CEP135: variants seen among roughly 807,000 people sequenced by gnomAD.
CEP135 encodes the protein centrosomal protein 135.
Under a neutral mutation model 157.3 loss-of-function variants are expected in CEP135, and 142 were observed. That is an observed-to-expected ratio of 0.90 (90% CI 0.79 to 1.04). The LOEUF (loss-of-function observed/expected upper bound fraction) is 1.04, where lower values mean the gene tolerates loss of function less well. Ranked by LOEUF, CEP135 falls within the 50% of genes least tolerant of loss-of-function variation. The probability of loss-of-function intolerance (pLI) is 0.00; values close to 1 mark genes in which losing one functional copy is unlikely to be tolerated. For missense variants in CEP135, 1,317 were observed against 1,309.2 expected (o/e 1.01, Z -0.09); for synonymous variants, 396 against 439.8 (o/e 0.90, Z 1.25).
At chr4:56,015,768 A>G (rs994796945) in intron 21 of CEP135, among the ~76,000 whole-genome samples, 1 of 152,156 alleles carries the variant, frequency 6.6e-6, no homozygotes, top group African/African-American at 2.4e-5. Context: ...TGTGGTCCAT[A>G]TTCAGAGTCT....
intron 25 of CEP135, 56 bp downstream of exon 25, chr4:56,024,670 A>G (rs989660169): frequency 8.1e-7 from 1 of 1,236,388 alleles, no homozygotes; most frequent in East Asian, 2.4e-5. Flanking sequence ...AAAAATTCAG[A>G]AAGTAGTTTT....
At chr4:55,997,433 G>A (rs901653767) in intron 15 of CEP135, among the ~76,000 whole-genome samples, 15 of 152,112 alleles carry the variant, frequency 9.9e-5, no homozygotes, top group Non-Finnish European at 1.8e-4. Context: ...TAGATATAAA[G>A]CAGTCTTTAC....
At chr4:56,003,906 A>G (rs933217406) in intron 17 of CEP135, among the ~76,000 whole-genome samples, 1 of 151,914 alleles carries the variant, frequency 6.6e-6, no homozygotes, top group Non-Finnish European at 1.5e-5. Flanking sequence ...TTTTTTGTAG[A>G]GACGGTGTCT....
At chr4:56,020,252 T>G (rs1730929849) in intron 23 of CEP135, among the ~76,000 whole-genome samples, 1 of 152,166 alleles carries the variant, frequency 6.6e-6, no homozygotes, top group African/African-American at 2.4e-5. Flanking sequence ...GAGAGACTGA[T>G]TATGTCATAT....
rs953725338 is a variant in CEP135 at position 55,961,948 on chromosome 4, CTT to C, written c.699+2187_699+2188del. ...GCCTGTGCTCTTGACCCCATTTCCT[CTT>C]TTTTCCTTAGGACCTTACTTTAATC... On this transcript the variant is annotated intron_variant, in intron 6 of 25. Transcript: ENST00000257287. Among the ~76,000 whole-genome samples, 17 of 152,046 alleles carry C rather than the reference CTT, an allele frequency of 1.1e-4. No homozygotes were observed. In the East Asian group the frequency reaches 1.2e-3, roughly 10 times the overall value.
intron 11 of CEP135, among the ~76,000 whole-genome samples, chr4:55,978,779 G>A: frequency 6.6e-6 from 1 of 152,122 alleles, no homozygotes; most frequent in East Asian, 1.9e-4. Context: ...TGAATTCCTG[G>A]CCTCAAGCAG....
rs1159504608 is a variant in CEP135, at chr4:55,974,788, A to G, written c.1292A>G (p.His431Arg). The G allele has an allele frequency of 1.2e-6, 2 of 1,613,782 alleles. No homozygotes were observed. The highest frequency in any genetic ancestry group is 1.7e-6 in the Non-Finnish European group (2 of 1,179,876). The part of the protein sequence containing the change: ...TLEVERMRLE[H>R]GIKRRDRSPS... ...GAGGTTGAGAGGATGAGACTAGAAC[A>G]TGGAATAAAACGTCGAGACAGGTCA... The change falls in exon 11 of 26, where the codon CAT becomes CGT. Residue 431 changes from histidine to arginine, a missense_variant. Coordinates refer to ENST00000257287, the MANE Select transcript of CEP135 (RefSeq NM_025009.5).
intron 6 of CEP135, among the ~76,000 whole-genome samples, chr4:55,962,161 G>A (rs569989547): frequency 1.3e-5 from 2 of 151,760 alleles, no homozygotes; most frequent in South Asian, 2.1e-4. Context: ...GTGCAGTGGC[G>A]CGATCTCGGC....
In CEP135 at chr4:55,969,069, A is replaced by T. The variant is rs1264219672; in HGVS notation, c.1051A>T (p.Ile351Phe). 1.2e-6 allele frequency: 2 copies of T among 1,611,098 alleles called. No individual in the cohort carries two copies. Among genetic ancestry groups the T allele is most frequent in the South Asian group, 1.1e-5 (1 of 90,718 alleles). ...DKELGEAKKE[I>F]KRKLSEMQDL... ...ATAGGCTTTTTATTCCTAGAAAGAG[A>T]TTAAAAGAAAGCTCTCTGAAATGCA... Residue 351 changes from isoleucine (I) to phenylalanine (F), a missense_variant, in exon 9 of 26, where the codon ATT becomes TTT. Transcript: ENST00000257287.
intron 21 of CEP135, among the ~76,000 whole-genome samples, chr4:56,015,686 A>T (rs1388327103): frequency 6.6e-6 from 1 of 152,142 alleles, no homozygotes; most frequent in Non-Finnish European, 1.5e-5. Flanking sequence ...CTATCCCACC[A>T]TTTTATTTTG....
At chr4:55,989,621 T>A (rs2109698133) in intron 14 of CEP135, among the ~76,000 whole-genome samples, 1 of 152,322 alleles carries the variant, frequency 6.6e-6, no homozygotes, top group East Asian at 1.9e-4. Flanking sequence ...TGCTACACAT[T>A]TAATCCCCCT....
rs1259518913 is a variant in CEP135, at chr4:56,023,843, TATA to T, written c.3321-654_3321-652del. Among the ~76,000 whole-genome samples, 259 of 139,710 alleles carry T rather than the reference TATA, an allele frequency of 1.9e-3. 2 individuals carry two copies. Among genetic ancestry groups the T allele is most frequent in the African/African-American group, 6.5e-3 (249 of 38,208 alleles). The allele number at this position is 139,710 out of a possible 152,430, so 91.7% of individuals were successfully genotyped here. On this transcript the variant is annotated intron_variant, in intron 24 of 25. Transcript: ENST00000257287. Reference sequence around the variant, plus strand: ...GCATTATATAATACATATATAGACATATAATATATAGTACTTATATATTATATA... The same window carrying T: ...GCATTATATAATACATATATAGACATATATATAGTACTTATATATTATATA...
At position 55,965,331 on chromosome 4, in the gene CEP135, G is replaced by A. The variant is rs146719703; in HGVS notation, c.829-313G>A. The A allele has an allele frequency of 1.7e-3, 335 of 192,706 alleles. 2 individuals are homozygous for A. Among genetic ancestry groups the A allele is most frequent in the African/African-American group, 7.5e-3 (316 of 42,120 alleles). The allele number at this position is 192,706 out of a possible 1,614,324, so 11.9% of individuals were successfully genotyped here. ...TCAGTAGCCACATGTGGTTGCTAGA[G>A]GCTACTATATTGAACAACACAGTCT... On this transcript the variant is annotated intron_variant, in intron 7 of 25. Transcript: ENST00000257287.
intron 25 of CEP135, among the ~76,000 whole-genome samples, chr4:56,027,329 A>G (rs1274358845): frequency 2.0e-5 from 3 of 152,228 alleles, no homozygotes; most frequent in Admixed American, 6.5e-5. Context: ...ATTAGTGTAA[A>G]TTAAGCTTTA....
intron 11 of CEP135, among the ~76,000 whole-genome samples, chr4:55,976,469 C>T (rs534728916): frequency 1.9e-4 from 29 of 152,190 alleles, no homozygotes; most frequent in African/African-American, 6.7e-4. Context: ...TATCTCAGAG[C>T]TTTTAACCAA....
intron 17 of CEP135, among the ~76,000 whole-genome samples, chr4:56,000,638 G>C (rs983749720): frequency 1.3e-5 from 2 of 152,084 alleles, no homozygotes; most frequent in African/African-American, 4.8e-5. Flanking sequence ...TGACCTCCAG[G>C]TCCATCCATG....
rs557876217 is a variant in CEP135 at position 55,985,621 on chromosome 4, A to T, written c.1857+263A>T. 3.7e-4 allele frequency among the ~76,000 whole-genome samples: 56 copies of T among 151,554 alleles called. 1 individual carries two copies. Among genetic ancestry groups the T allele is most frequent in the Admixed American group, 2.2e-3 (33 of 15,218 alleles). ...AGTTGCGTGCCACCATGCCCGGCTAATTTTTTTTGTATTTTTAGTAGAGAC... is the reference window on the plus strand; with the variant it reads ...AGTTGCGTGCCACCATGCCCGGCTATTTTTTTTTGTATTTTTAGTAGAGAC... On this transcript the variant is annotated intron_variant, in intron 14 of 25. Transcript: ENST00000257287.
intron 17 of CEP135, among the ~76,000 whole-genome samples, chr4:56,000,505 A>C (rs1459920547): frequency 6.6e-6 from 1 of 151,850 alleles, no homozygotes; most frequent in Non-Finnish European, 1.5e-5. Flanking sequence ...TCATCCTTTT[A>C]CTGGTCTTTG....
At chr4:55,957,833 T>C (rs1301799212) in intron 5 of CEP135, among the ~76,000 whole-genome samples, 1 of 152,236 alleles carries the variant, frequency 6.6e-6, no homozygotes, top group Non-Finnish European at 1.5e-5. Flanking sequence ...TGAAATGTTA[T>C]TAAACCTCCT....
Sources: allele counts gnomAD v4.1 joint callset (sites outside exome capture counted in the v4.1 genomes callset), GRCh38; gene constraint gnomAD v4.1.1; transcripts MANE v1.5; gene names NCBI Gene and HGNC (gene_info 2026-07-23, HGNC 2026-07-21).